JPH3: variants seen among roughly 807,000 people sequenced by gnomAD.
The protein encoded by JPH3 is junctophilin-3.
JPH3 carries 11 observed loss-of-function variants against 59.6 expected under a neutral mutation model. That is an observed-to-expected ratio of 0.18 (90% CI 0.12 to 0.31). JPH3 has a LOEUF of 0.31. Ranked by LOEUF, JPH3 falls within the 10% of genes least tolerant of loss-of-function variation. The probability of loss-of-function intolerance (pLI) is 1.00; values close to 1 mark genes in which losing one functional copy is unlikely to be tolerated. For missense variants in JPH3, 1,202 were observed against 1,105.7 expected (o/e 1.09, Z -1.24); for synonymous variants, 673 against 483.6 (o/e 1.39, Z -5.14).
At chr16:87,636,441 A>G (rs995062349) in intron 1 of JPH3, among the ~76,000 whole-genome samples, 4 of 152,172 alleles carry the variant, frequency 2.6e-5, no homozygotes, top group African/African-American at 7.2e-5. Context: ...GCTCCGTCAC[A>G]GTGGCTGTCG....
In JPH3 at chr16:87,676,206, G is replaced by A. The variant is rs114308075; in HGVS notation, c.1161-7936G>A. On this transcript the variant is annotated intron_variant, in intron 2 of 4. Transcript: ENST00000284262. The stretch of plus-strand genomic sequence containing the variant: ...TTATGTGTTTACCTTTGTATCAGCC[G>A]TCTTCTCAATGAGACCAGAATCCCT... Among the ~76,000 whole-genome samples the A allele has an allele frequency of 3.5e-3, 532 of 152,306 alleles. 6 individuals are homozygous for A. Among genetic ancestry groups the A allele is most frequent in the African/African-American group, 0.012 (517 of 41,566 alleles).
chr16:87,658,845 G>T (rs2032599162), intron 2 of JPH3, among the ~76,000 whole-genome samples: 1 of 152,212 alleles, frequency 6.6e-6, no homozygotes, highest in Admixed American at 6.5e-5. Flanking sequence ...GCAGGGGTGG[G>T]TGGCCCCCCA....
intron 3 of JPH3, among the ~76,000 whole-genome samples, chr16:87,684,778 G>A (rs1035958334): frequency 1.3e-4 from 20 of 152,198 alleles, no homozygotes; most frequent in African/African-American, 3.9e-4. Flanking sequence ...TGTGCCCCTC[G>A]GAAAGAGCTG....
At chr16:87,639,489 G>A (rs548469889) in intron 1 of JPH3, among the ~76,000 whole-genome samples, 1 of 152,226 alleles carries the variant, frequency 6.6e-6, no homozygotes, top group African/African-American at 2.4e-5. Context: ...GTGCCGTTCT[G>A]TGGCATTAAG....
chr16:87,637,766 G>A (rs535319480), intron 1 of JPH3, among the ~76,000 whole-genome samples: 2 of 152,240 alleles, frequency 1.3e-5, no homozygotes, highest in East Asian at 1.9e-4. Flanking sequence ...CTGTGCCCCC[G>A]GGGTTGGCTT....
intron 1 of JPH3, among the ~76,000 whole-genome samples, chr16:87,642,484 A>G (rs7202556): frequency 6.6e-6 from 1 of 152,220 alleles, no homozygotes; most frequent in Non-Finnish European, 1.5e-5. Flanking sequence ...TTAGCAGGTA[A>G]TTCCAATGTT....
At chr16:87,635,294 C>T (rs541467192) in intron 1 of JPH3, among the ~76,000 whole-genome samples, 58 of 152,284 alleles carry the variant, frequency 3.8e-4, no homozygotes, top group African/African-American at 6.7e-4. Context: ...GTGAGGGCTG[C>T]GCTCTCTCCA....
In JPH3 at chr16:87,644,460, C is replaced by A. The variant is rs779032353; in HGVS notation, c.585C>A (p.Gly195=). ...VAGSPAVSRG[G]FVLVAHSDSE... Reference sequence around the variant, plus strand: ...GCAGCCCGGCCGTGTCCCGCGGGGGCTTCGTGCTCGTGGCCCACAGTGACT... The same window carrying A: ...GCAGCCCGGCCGTGTCCCGCGGGGGATTCGTGCTCGTGGCCCACAGTGACT... The change falls in exon 2 of 5, where the codon GGC becomes GGA. Residue 195 remains glycine, a synonymous_variant. Coordinates refer to ENST00000284262, the MANE Select transcript of JPH3 (RefSeq NM_020655.4). 10 of 1,612,592 alleles carry A rather than the reference C, an allele frequency of 6.2e-6. 1 individual carries two copies. The South Asian group carries it at 8.8e-5, about 14-fold the overall frequency.
intron 2 of JPH3, among the ~76,000 whole-genome samples, chr16:87,679,792 C>T (rs912535171): frequency 2.6e-5 from 4 of 152,246 alleles, no homozygotes; most frequent in African/African-American, 9.6e-5. Flanking sequence ...CCCAGTTCTC[C>T]AGGCACTGGC....
At chr16:87,604,149 C>G in intron 1 of JPH3, 1 of 1,363,298 alleles carries the variant, frequency 7.3e-7, no homozygotes, top group South Asian at 1.3e-5. Context: ...GGAGGCCCAT[C>G]TGCTCAGTGA....
chr16:87,634,774 C>T (rs1382237821), intron 1 of JPH3, among the ~76,000 whole-genome samples: 1 of 152,196 alleles, frequency 6.6e-6, no homozygotes. Flanking sequence ...TGGGAGAGGA[C>T]GGGCTTTGGG....
rs1381747533 is a variant in JPH3 at position 87,602,575 on chromosome 16, G to T, written c.-572G>T. Among the ~76,000 whole-genome samples, 3 of 138,170 alleles carry T rather than the reference G, an allele frequency of 2.2e-5. No homozygotes were observed. The highest frequency in any genetic ancestry group is 4.4e-4 in the East Asian group (2 of 4,526). 90.6% of individuals were successfully genotyped at this position (138,170 alleles called of 152,430 possible). On this transcript the variant is annotated 5_prime_UTR_variant, in exon 1 of 5. Coordinates refer to ENST00000284262, the MANE Select transcript of JPH3 (RefSeq NM_020655.4). ...CGCCGCCGCCGCCGCCCGAGCCGCCGCATTGCTGCTGCTGCTGCCGCCGCC... is the reference window on the plus strand; with the variant it reads ...CGCCGCCGCCGCCGCCCGAGCCGCCTCATTGCTGCTGCTGCTGCCGCCGCC...
intron 1 of JPH3, among the ~76,000 whole-genome samples, chr16:87,614,031 T>G (rs571061475): frequency 1.6e-4 from 25 of 152,158 alleles, no homozygotes; most frequent in African/African-American, 6.0e-4. Flanking sequence ...ATGAGGAAAC[T>G]GAGGCCCACC....
rs116128077 is a variant in JPH3, at chr16:87,635,471, G to C, written c.383-8787G>C. ...ACTTACCCACAAGGCCGGCTGAGGG[G>C]CTGTGCTGGCCCAGGGCTCTGGCTT... On this transcript the variant is annotated intron_variant, in intron 1 of 4. Transcript: ENST00000284262. Among the ~76,000 whole-genome samples the C allele has an allele frequency of 6.8e-3, 1,039 of 152,320 alleles. 11 individuals are homozygous for C. The highest frequency in any genetic ancestry group is 0.024 in the African/African-American group (1,013 of 41,566).
intron 2 of JPH3, among the ~76,000 whole-genome samples, chr16:87,667,871 C>T (rs987664650): frequency 6.6e-6 from 1 of 152,052 alleles, no homozygotes; most frequent in African/African-American, 2.4e-5. Flanking sequence ...ATGCAAAACC[C>T]GTTCCTAGCT....
intron 1 of JPH3, among the ~76,000 whole-genome samples, chr16:87,609,114 C>T (rs1414100086): frequency 1.3e-5 from 2 of 152,246 alleles, no homozygotes; most frequent in East Asian, 3.8e-4. Context: ...TGCCACTTGG[C>T]ATGCCTGCCT....
chr16:87,694,852 C>A (rs548942973), intron 4 of JPH3: 84 of 187,510 alleles, frequency 4.5e-4, no homozygotes, highest in African/African-American at 2.0e-3. Context: ...TGCTTTCTGC[C>A]TGGTGCCCAG....
At position 87,691,090 on chromosome 16, in the gene JPH3, C is replaced by CCG. The variant is rs140759348; in HGVS notation, c.2166+565_2166+566insGC. Among the ~76,000 whole-genome samples the CCG allele has an allele frequency of 6.4e-3, 964 of 151,514 alleles. 11 individuals are homozygous for CCG. Among genetic ancestry groups the CCG allele is most frequent in the African/African-American group, 0.021 (881 of 41,252 alleles). ...TCACCGTCAGCCTCACCCAGCACCC[C>CCG]CCCCCCAAATTCGTTCCTCCAGGGC... On this transcript the variant is annotated intron_variant, in intron 4 of 4. Transcript: ENST00000284262.
chr16:87,641,661 G>A (rs568365110), intron 1 of JPH3, among the ~76,000 whole-genome samples: 14 of 152,372 alleles, frequency 9.2e-5, no homozygotes, highest in Non-Finnish European at 1.3e-4. Context: ...CTGCGTTGCC[G>A]ATTCCTTTTT....
Sources: gnomAD v4.1 joint callset for allele counts (sites outside exome capture counted in the v4.1 genomes callset) on GRCh38, gnomAD v4.1.1 for gene constraint, MANE v1.5 for transcripts, NCBI Gene and HGNC (gene_info 2026-07-23, HGNC 2026-07-21) for gene names.